TSPAN11: variants seen among roughly 807,000 people sequenced by gnomAD.
TSPAN11 encodes tetraspanin 11, also known as tetraspanin-11.
Under a neutral mutation model 32.9 loss-of-function variants are expected in TSPAN11, and 29 were observed. The ratio of observed to expected loss-of-function variants is 0.88; its 90% confidence interval spans 0.66 to 1.20. TSPAN11 has a LOEUF of 1.20. Ranked by LOEUF, TSPAN11 falls within the 50% of genes most tolerant of loss-of-function variation. TSPAN11 has a pLI of 0.00. For missense variants in TSPAN11, 283 were observed against 329.1 expected (o/e 0.86, Z 1.08); for synonymous variants, 140 against 141.3 (o/e 0.99, Z 0.07).
intron 3 of TSPAN11, among the ~76,000 whole-genome samples, chr12:30,970,620 C>T (rs1462345934): frequency 6.6e-6 from 1 of 152,190 alleles, no homozygotes; most frequent in Non-Finnish European, 1.5e-5. Context: ...CCCAGAACCA[C>T]AAGTCAGTAT....
At chr12:30,933,852 GT>G (rs1937986122) in intron 1 of TSPAN11, among the ~76,000 whole-genome samples, 1 of 152,136 alleles carries the variant, frequency 6.6e-6, no homozygotes, top group South Asian at 2.1e-4. Context: ...TGGGATCATT[GT>G]TGATTTGAGG....
At position 30,975,659 on chromosome 12, in the gene TSPAN11, C is replaced by G. The variant is rs1389610559; in HGVS notation, c.277-2902C>G. Reference sequence around the variant, plus strand: ...ACCTCCCCATCCTCCCTGTTCCCCACCCCGTCTTCAATAGTAACTGGGGCA... The same window carrying G: ...ACCTCCCCATCCTCCCTGTTCCCCAGCCCGTCTTCAATAGTAACTGGGGCA... On this transcript the variant is annotated intron_variant, in intron 3 of 7. Transcript: ENST00000546076. This position sits in a 1 kb window ranked among gnomAD's most constrained non-coding sequence, Gnocchi z 4.5. Among the ~76,000 whole-genome samples the G allele has an allele frequency of 3.3e-5, 5 of 152,004 alleles. No homozygotes were observed. Among genetic ancestry groups the G allele is most frequent in the African/African-American group, 2.4e-5 (1 of 41,320 alleles).
intron 1 of TSPAN11, among the ~76,000 whole-genome samples, chr12:30,929,467 C>A (rs1937872547): frequency 1.3e-5 from 2 of 152,122 alleles, no homozygotes; most frequent in South Asian, 4.2e-4. Flanking sequence ...AACTCGAACC[C>A]ATCTATATCT....
downstream of TSPAN11, among the ~76,000 whole-genome samples, chr12:30,999,966 G>A (rs1939461962): frequency 2.0e-5 from 3 of 150,986 alleles, 1 homozygote; most frequent in South Asian, 6.2e-4. Flanking sequence ...CCGAATAGCA[G>A]CATCAATCAG....
chr12:30,965,323 C>G (rs776118134), intron 3 of TSPAN11, among the ~76,000 whole-genome samples: 1 of 152,228 alleles, frequency 6.6e-6, no homozygotes, highest in Non-Finnish European at 1.5e-5. Context: ...CTGGCCCTCA[C>G]GCCTGGAGGT....
At chr12:30,965,856 GGGCACAGGAGA>G (rs1454446915) in intron 3 of TSPAN11, among the ~76,000 whole-genome samples, 6 of 152,074 alleles carry the variant, frequency 3.9e-5, no homozygotes, top group Non-Finnish European at 8.8e-5. Flanking sequence ...CCACAAGAGG[GGGCACAGGAGA>G]GGCACAGGAC....
intron 3 of TSPAN11, among the ~76,000 whole-genome samples, chr12:30,967,344 G>A (rs1248488040): frequency 1.3e-5 from 2 of 152,230 alleles, no homozygotes; most frequent in Non-Finnish European, 2.9e-5. Flanking sequence ...TGGAGAGTCA[G>A]TGAAGGTCAG....
chr12:31,006,133 T>C, the TSPAN11 span: 1 of 152,454 alleles, frequency 6.6e-6, no homozygotes, highest in Non-Finnish European at 1.5e-5. Flanking sequence ...GCTTAGCTGG[T>C]GGCATTCAGG....
chr12:30,974,605 G>A (rs1322465413), intron 3 of TSPAN11, among the ~76,000 whole-genome samples: 2 of 152,238 alleles, frequency 1.3e-5, no homozygotes, highest in Non-Finnish European at 2.9e-5. Flanking sequence ...TTTATCAGGG[G>A]ATGTCTGCTA....
At chr12:31,016,289 T>C in the TSPAN11 span, among the ~76,000 whole-genome samples, 8 of 151,894 alleles carry the variant, frequency 5.3e-5, no homozygotes, top group Non-Finnish European at 1.0e-4. Flanking sequence ...TGGGTGGAGT[T>C]TGAGGTTGGG....
At chr12:30,972,634 T>G (rs776894880) in intron 3 of TSPAN11, among the ~76,000 whole-genome samples, 2 of 152,002 alleles carry the variant, frequency 1.3e-5, no homozygotes, top group Non-Finnish European at 2.9e-5. Flanking sequence ...TTACCTAGCT[T>G]CTGAGGTAAG....
chr12:30,997,082 AC>A (rs1565808642), downstream of TSPAN11: 1 of 152,096 alleles, frequency 6.6e-6, no homozygotes, highest in Non-Finnish European at 1.5e-5. Context: ...TGCAAGCCTC[AC>A]CCCCAGACCA....
chr12:30,984,209 A>C (rs1939154438), intron 7 of TSPAN11, among the ~76,000 whole-genome samples: 1 of 152,212 alleles, frequency 6.6e-6, no homozygotes, highest in Non-Finnish European at 1.5e-5. Context: ...TCCAGGGCTA[A>C]GCACCATCTA....
chr12:30,926,862 C>A, intron 1 of TSPAN11, 66 bp downstream of exon 1: 1 of 1,119,672 alleles, frequency 8.9e-7, no homozygotes, highest in Non-Finnish European at 1.2e-6. Flanking sequence ...CCAGGAGAGG[C>A]GCCTCCACCT....
chr12:30,974,017 G>A (rs563774080), intron 3 of TSPAN11, among the ~76,000 whole-genome samples: 8 of 152,306 alleles, frequency 5.3e-5, no homozygotes, highest in South Asian at 2.1e-4. Flanking sequence ...TTCCAGCCCC[G>A]GGGTCCCATG....
chr12:30,931,879 C>CAAAAAAAAAAAA lies in TSPAN11; in HGVS notation c.-12+5092_-12+5103dup, dbSNP rs58500177. On this transcript the variant is annotated intron_variant, in intron 1 of 7. Transcript: ENST00000546076. ...TGGGCGACAGAGTGAGACGCTGTAT[C>CAAAAAAAAAAAA]AAAAAAAAAAAAAAAAAAAAGAGTC... Among the ~76,000 whole-genome samples, 172 of 60,844 alleles carry CAAAAAAAAAAAA rather than the reference C, an allele frequency of 2.8e-3. 16 individuals are homozygous for CAAAAAAAAAAAA. The highest frequency in any genetic ancestry group is 7.4e-3 in the African/African-American group (118 of 15,968). The allele number at this position is 60,844 out of a possible 152,430, so 39.9% of individuals were successfully genotyped here. A position where few individuals can be genotyped will look rare whatever the true frequency, so the allele number is the denominator to read the frequency against.
chr12:30,976,074 C>T (rs1938964870), intron 3 of TSPAN11, among the ~76,000 whole-genome samples: 1 of 152,128 alleles, frequency 6.6e-6, no homozygotes, highest in Admixed American at 6.5e-5. Context: ...ACAAGGATGC[C>T]TCACCCTGGG....
intron 2 of TSPAN11, among the ~76,000 whole-genome samples, chr12:30,957,066 C>T (rs573977472): frequency 1.3e-5 from 2 of 152,316 alleles, no homozygotes; most frequent in Non-Finnish European, 2.9e-5. Flanking sequence ...TCAGGGAGGC[C>T]GTGGGAGGGA....
intron 3 of TSPAN11, among the ~76,000 whole-genome samples, chr12:30,971,183 G>A (rs201296923): frequency 1.3e-5 from 2 of 151,430 alleles, no homozygotes; most frequent in East Asian, 3.9e-4. Context: ...GATATGGCTT[G>A]GCAGGAAGCT....
Sources: gnomAD v4.1 joint callset for allele counts (sites outside exome capture counted in the v4.1 genomes callset) on GRCh38, gnomAD v4.1.1 for gene constraint, Gnocchi (gnomAD v3.1) non-coding constraint, MANE v1.5 for transcripts, NCBI Gene and HGNC (gene_info 2026-07-23, HGNC 2026-07-21) for gene names.